Variants in SLCO6A1 observed in about 807,000 individuals in gnomAD.
SLCO6A1 encodes the protein solute carrier organic anion transporter family member 6A1.
In SLCO6A1, 65 loss-of-function variants were observed where a neutral mutation model predicts 72.7. The ratio of observed to expected loss-of-function variants is 0.89; its 90% CI spans 0.73 to 1.10. The LOEUF is 1.10. Among genes scored for constraint, SLCO6A1 ranks in the 50% least tolerant of loss-of-function variants. SLCO6A1 has a pLI of 0.00. For synonymous variants in SLCO6A1, 314 were observed against 298.2 expected (o/e 1.05, Z -0.55); for missense variants, 874 against 872.6 (o/e 1.00, Z -0.02).
chr5:102,448,721 A>G (rs1413664336), intron 6 of SLCO6A1, among the ~76,000 whole-genome samples: 3 of 152,074 alleles, frequency 2.0e-5, no homozygotes, highest in Admixed American at 6.6e-5. Context: ...CACTTGCTTG[A>G]TAGATATTTC....
At position 102,391,032 on chromosome 5, in the gene SLCO6A1, T is replaced by C. The variant is rs1171680629; in HGVS notation, c.1828A>G (p.Lys610Glu). The change falls in exon 11 of 14, where the codon AAA becomes GAA. Residue 610 changes from lysine to glutamate, a missense_variant. By Grantham distance (56) the Lys-to-Glu change is moderately conservative. Coordinates refer to ENST00000506729, the MANE Select transcript of SLCO6A1 (RefSeq NM_173488.5). ...VLAMTRVVPD[K>E]LRSLALGVSY... ...ACACCCAAGGCCAGAGAACGCAGTTTGTCAGGTACAACCCTGAAAGTAAAT... is the reference window on the plus strand; with the variant it reads ...ACACCCAAGGCCAGAGAACGCAGTTCGTCAGGTACAACCCTGAAAGTAAAT... The C allele has an allele frequency of 1.2e-5, 19 of 1,613,462 alleles. No homozygotes were observed. Among genetic ancestry groups the C allele is most frequent in the Non-Finnish European group, 1.6e-5 (19 of 1,179,596 alleles).
chr5:102,378,068 C>A (rs949927000), intron 12 of SLCO6A1, among the ~76,000 whole-genome samples: 4 of 151,184 alleles, frequency 2.6e-5, no homozygotes, highest in Middle Eastern at 3.2e-3. Flanking sequence ...TTTTATTATA[C>A]AATATATAAG....
chr5:102,429,777 G>A (rs990381266), intron 7 of SLCO6A1, among the ~76,000 whole-genome samples: 2 of 151,182 alleles, frequency 1.3e-5, no homozygotes, highest in Non-Finnish European at 3.0e-5. Flanking sequence ...GGATTGTCTT[G>A]GCTATTCGAG....
chr5:102,496,298 A>G (rs557176190), intron 1 of SLCO6A1, among the ~76,000 whole-genome samples: 1 of 152,352 alleles, frequency 6.6e-6, no homozygotes, highest in South Asian at 2.1e-4. Flanking sequence ...CTGCCTTTGT[A>G]TCCCTTCTTT....
chr5:102,396,974 C>T (rs759737893), intron 10 of SLCO6A1, among the ~76,000 whole-genome samples: 8 of 152,118 alleles, frequency 5.3e-5, no homozygotes, highest in Non-Finnish European at 1.0e-4. Flanking sequence ...AAAGTTCCAC[C>T]TCTCAAATAC....
At chr5:102,427,184 T>G in intron 7 of SLCO6A1, among the ~76,000 whole-genome samples, 1 of 151,716 alleles carries the variant, frequency 6.6e-6, no homozygotes, top group Non-Finnish European at 1.5e-5. Context: ...TCTTAAAAAC[T>G]CAAATCTCAG....
chr5:102,406,753 A>T (rs1161410944), intron 9 of SLCO6A1, among the ~76,000 whole-genome samples: 2 of 152,216 alleles, frequency 1.3e-5, no homozygotes, highest in Non-Finnish European at 2.9e-5. Context: ...TCTAAAAAAA[A>T]ACATTAATAC....
intron 10 of SLCO6A1, among the ~76,000 whole-genome samples, chr5:102,395,559 A>T (rs1215405490): frequency 6.6e-6 from 1 of 152,144 alleles, no homozygotes; most frequent in Admixed American, 6.5e-5. Context: ...TATACCCAGT[A>T]ATGGGATGGC....
At chr5:102,438,945 A>G (rs918697667) in intron 6 of SLCO6A1, among the ~76,000 whole-genome samples, 184 bp from the exon 7 acceptor site, 6 of 152,058 alleles carry the variant, frequency 3.9e-5, no homozygotes, top group Admixed American at 2.6e-4. Context: ...ACAGCAATCT[A>G]TGATTCACCA....
chr5:102,409,552 C>CA (rs1747860305), intron 9 of SLCO6A1, among the ~76,000 whole-genome samples: 1 of 152,000 alleles, frequency 6.6e-6, no homozygotes, highest in Non-Finnish European at 1.5e-5. Flanking sequence ...TAATCGTTTC[C>CA]ATCCATATCA....
chr5:102,403,295 C>G (rs1053659708), intron 9 of SLCO6A1, among the ~76,000 whole-genome samples: 1 of 152,124 alleles, frequency 6.6e-6, no homozygotes, highest in Non-Finnish European at 1.5e-5. Flanking sequence ...TTAGTCTCTA[C>G]ACAGTTACCA....
At chr5:102,427,663 A>T (rs991507317) in intron 7 of SLCO6A1, among the ~76,000 whole-genome samples, 7 of 151,918 alleles carry the variant, frequency 4.6e-5, no homozygotes, top group African/African-American at 1.7e-4. Context: ...CTGGGACAGA[A>T]AAAGGACATT....
rs560237872 is a variant in SLCO6A1 at position 102,478,491 on chromosome 5, T to C, written c.617-630A>G. ...GATTAAATAATTTCCCATTTTAGAC[T>C]CACTAACTTTTAGAACATATGTTCA... On this transcript the variant is annotated intron_variant, in intron 2 of 13. Transcript: ENST00000506729. 2.1e-3 allele frequency among the ~76,000 whole-genome samples: 316 copies of C among 152,308 alleles called. 3 individuals carry two copies. Among genetic ancestry groups the C allele is most frequent in the African/African-American group, 7.2e-3 (300 of 41,568 alleles).
chr5:102,451,160 C>T (rs895671003), intron 6 of SLCO6A1, among the ~76,000 whole-genome samples: 11 of 152,164 alleles, frequency 7.2e-5, no homozygotes, highest in African/African-American at 1.7e-4. Flanking sequence ...AGGAGGCCTG[C>T]AATAGTCCTT....
chr5:102,466,930 T>C (rs1218385608), intron 4 of SLCO6A1, among the ~76,000 whole-genome samples: 12 of 152,156 alleles, frequency 7.9e-5, no homozygotes, highest in Admixed American at 7.9e-4. Flanking sequence ...CTTAGTCAGA[T>C]GCATGTTTGT....
chr5:102,491,011 T>C (rs1337276657), intron 1 of SLCO6A1, among the ~76,000 whole-genome samples: 2 of 151,856 alleles, frequency 1.3e-5, no homozygotes, highest in African/African-American at 4.8e-5. Flanking sequence ...GAGAGCCGAG[T>C]GGTCTGTTTT....
At chr5:102,380,713 T>C (rs1320531785) in intron 12 of SLCO6A1, among the ~76,000 whole-genome samples, 1 of 152,042 alleles carries the variant, frequency 6.6e-6, no homozygotes, top group Non-Finnish European at 1.5e-5. Flanking sequence ...AAAATTTGCC[T>C]ACTGTGACTA....
At chr5:102,438,842 T>G in intron 6 of SLCO6A1, 81 bp from the exon 7 acceptor site, 3 of 1,035,656 alleles carry the variant, frequency 2.9e-6, no homozygotes, top group Non-Finnish European at 2.6e-6. Context: ...GCTAATGATC[T>G]GTCTACAAAA....
intron 4 of SLCO6A1, among the ~76,000 whole-genome samples, chr5:102,462,919 G>A (rs1375113204): frequency 1.3e-5 from 2 of 151,910 alleles, no homozygotes; most frequent in Non-Finnish European, 2.9e-5. Flanking sequence ...CAAAAATAAA[G>A]ATGAGACCTA....
Sources: allele counts gnomAD v4.1 joint callset (sites outside exome capture counted in the v4.1 genomes callset), GRCh38; gene constraint gnomAD v4.1.1; transcripts MANE v1.5; gene names NCBI Gene and HGNC (gene_info 2026-07-23, HGNC 2026-07-21).